MARCHF1: variants seen among roughly 807,000 people sequenced by gnomAD.
MARCHF1 encodes E3 ubiquitin-protein ligase MARCHF1.
Under a neutral mutation model 54.2 loss-of-function variants are expected in MARCHF1, and 40 were observed. That is an observed-to-expected ratio of 0.74 (90% CI 0.57 to 0.96). The LOEUF (loss-of-function observed/expected upper bound fraction) is 0.96, where lower values mean the gene tolerates loss of function less well. MARCHF1 is among the 40% of genes least tolerant of loss of function. MARCHF1 has a pLI of 0.00. For synonymous variants in MARCHF1, 236 were observed against 236.3 expected (o/e 1.00, Z 0.01); for missense variants, 586 against 656.5 (o/e 0.89, Z 1.17).
chr4:164,169,581 T>C (rs1161724527), intron 1 of MARCHF1, among the ~76,000 whole-genome samples: 1 of 152,150 alleles, frequency 6.6e-6, no homozygotes, highest in African/African-American at 2.4e-5. Flanking sequence ...TGTGTTCTTT[T>C]GGGATAATGG....
chr4:163,826,572 A>G (rs1217010388), intron 4 of MARCHF1, among the ~76,000 whole-genome samples: 2 of 152,212 alleles, frequency 1.3e-5, no homozygotes, highest in Non-Finnish European at 2.9e-5. Flanking sequence ...CATGCGCTGT[A>G]TTAAGCCCTA....
At chr4:163,825,424 G>A (rs1748821126) in intron 4 of MARCHF1, among the ~76,000 whole-genome samples, 1 of 151,932 alleles carries the variant, frequency 6.6e-6, no homozygotes, top group South Asian at 2.1e-4. Context: ...GTGGCTTTAT[G>A]GTAGAATGAT....
At chr4:163,751,639 T>G (rs545389110) in intron 4 of MARCHF1, among the ~76,000 whole-genome samples, 1 of 152,062 alleles carries the variant, frequency 6.6e-6, no homozygotes, top group South Asian at 2.1e-4. Flanking sequence ...ATGAAAAAAT[T>G]ATAAAAATGG....
chr4:164,220,578 A>G (rs2111148435), intron 1 of MARCHF1, among the ~76,000 whole-genome samples: 1 of 145,406 alleles, frequency 6.9e-6, no homozygotes, highest in African/African-American at 2.5e-5. Context: ...TATATGTAAT[A>G]CATATGATAT....
At chr4:163,840,646 C>A (rs915663440) in intron 4 of MARCHF1, among the ~76,000 whole-genome samples, 1 of 151,722 alleles carries the variant, frequency 6.6e-6, no homozygotes. Flanking sequence ...TGGAAGGTGG[C>A]GGAAAAGGAG....
chr4:164,213,428 G>T (rs1731837486), intron 1 of MARCHF1, among the ~76,000 whole-genome samples: 1 of 151,626 alleles, frequency 6.6e-6, no homozygotes, highest in African/African-American at 2.4e-5. Flanking sequence ...GTAGAGACGG[G>T]GTTTCACCGT....
At chr4:163,921,879 A>G (rs756400923) in intron 3 of MARCHF1, among the ~76,000 whole-genome samples, 18 of 152,184 alleles carry the variant, frequency 1.2e-4, no homozygotes, top group Non-Finnish European at 2.5e-4. Context: ...AAATATACCC[A>G]AAGGATTATA....
intron 1 of MARCHF1, among the ~76,000 whole-genome samples, chr4:164,159,781 T>A (rs1342912483): frequency 1.3e-5 from 2 of 152,182 alleles, no homozygotes; most frequent in East Asian, 3.8e-4. Context: ...AAATAGAGTA[T>A]AGTGGAAAGA....
chr4:163,735,316 G>A (rs1746004021), intron 4 of MARCHF1, among the ~76,000 whole-genome samples: 1 of 152,078 alleles, frequency 6.6e-6, no homozygotes, highest in Admixed American at 6.6e-5. Context: ...CCATTAGAAT[G>A]TGAGAGCCAT....
At chr4:164,121,939 T>C (rs1756075587) in intron 1 of MARCHF1, among the ~76,000 whole-genome samples, 1 of 151,794 alleles carries the variant, frequency 6.6e-6, no homozygotes, top group Non-Finnish European at 1.5e-5. Context: ...GATGCAAAAA[T>C]CATTAACAAA....
intron 4 of MARCHF1, among the ~76,000 whole-genome samples, chr4:163,734,727 TA>T (rs1745983322): frequency 6.6e-6 from 1 of 152,092 alleles, no homozygotes; most frequent in African/African-American, 2.4e-5. Context: ...GGAAAGTTTC[TA>T]GGGGAAGAAT....
intron 4 of MARCHF1, among the ~76,000 whole-genome samples, chr4:163,814,073 C>T (rs117551616): frequency 6.6e-6 from 1 of 152,084 alleles, no homozygotes; most frequent in African/African-American, 2.4e-5. Flanking sequence ...CTCCCAGGAT[C>T]GATTGTATCT....
intron 3 of MARCHF1, among the ~76,000 whole-genome samples, chr4:163,907,688 A>G (rs1751099785): frequency 6.6e-6 from 1 of 152,120 alleles, no homozygotes; most frequent in Non-Finnish European, 1.5e-5. Context: ...TTGGAATTGC[A>G]ATTTCTTATT....
intron 2 of MARCHF1, among the ~76,000 whole-genome samples, chr4:164,010,514 C>A (rs1351315686): frequency 6.6e-6 from 1 of 151,706 alleles, no homozygotes; most frequent in East Asian, 1.9e-4. Context: ...TACATATATC[C>A]CATTTATATT....
intron 1 of MARCHF1, chr4:164,383,407 G>C (rs1219589337): frequency 6.6e-6 from 1 of 152,360 alleles, no homozygotes; most frequent in African/African-American, 2.4e-5. Flanking sequence ...TTGGTAATCG[G>C]TCCCCGTCCC....
intron 1 of MARCHF1, among the ~76,000 whole-genome samples, chr4:164,268,288 C>G (rs1228903695): frequency 2.0e-5 from 3 of 152,136 alleles, no homozygotes; most frequent in Non-Finnish European, 4.4e-5. Flanking sequence ...CTATTTAAAT[C>G]TGGGTACTGT....
At chr4:164,370,189 G>A (rs1438929488) in intron 1 of MARCHF1, among the ~76,000 whole-genome samples, 3 of 152,204 alleles carry the variant, frequency 2.0e-5, no homozygotes, top group Non-Finnish European at 4.4e-5. Flanking sequence ...CAGAGTGTAT[G>A]TCAGAAGCCC....
chr4:164,035,996 A>T (rs1279208662), intron 2 of MARCHF1, among the ~76,000 whole-genome samples: 5 of 149,650 alleles, frequency 3.3e-5, no homozygotes, highest in Non-Finnish European at 7.4e-5. Flanking sequence ...CCAGCTACTC[A>T]GGAGGCTGAG....
Position 164,280,438 on chromosome 4 carries a change from G to T in MARCHF1, c.-323+103432C>A, listed in dbSNP as rs900216397. 3.9e-5 allele frequency among the ~76,000 whole-genome samples: 6 copies of T among 151,966 alleles called. No homozygotes were observed. In the East Asian group the frequency reaches 1.2e-3, roughly 29 times the overall value. On this transcript the variant is annotated intron_variant, in intron 1 of 9. Coordinates refer to ENST00000514618, the MANE Select transcript of MARCHF1 (RefSeq NM_001394959.1). ...ATAAACTACAATGGTATAACATAAT[G>T]GTGGCATTTTAAATTAGTGGAAAGA...
Sources: gnomAD v4.1 joint callset for allele counts (sites outside exome capture counted in the v4.1 genomes callset) on GRCh38, gnomAD v4.1.1 for gene constraint, MANE v1.5 for transcripts, NCBI Gene and HGNC (gene_info 2026-07-23, HGNC 2026-07-21) for gene names.